Variants in FBXO4 observed in about 807,000 individuals in gnomAD.
The protein encoded by FBXO4 is F-box protein 4.
In FBXO4, 36 loss-of-function variants were observed where a neutral mutation model predicts 43.7. That is an observed-to-expected ratio of 0.82 (90% CI 0.63 to 1.09). The LOEUF is 1.09. Ranked by LOEUF, FBXO4 falls within the 50% of genes least tolerant of loss-of-function variation. The probability of loss-of-function intolerance (pLI) is 0.00; values close to 1 mark genes in which losing one functional copy is unlikely to be tolerated. For synonymous variants in FBXO4, 180 were observed against 165.6 expected (o/e 1.09, Z -0.67); for missense variants, 435 against 474.1 (o/e 0.92, Z 0.77).
chr5:42,010,507 CAAA>C, the FBXO4 span, among the ~76,000 whole-genome samples: 6 of 106,388 alleles, frequency 5.6e-5, no homozygotes, highest in Admixed American at 9.3e-5. Flanking sequence ...GCCTCCATCT[CAAA>C]AAAAAAAAAA....
At chr5:41,976,897 A>T in the FBXO4 span, among the ~76,000 whole-genome samples, 1 of 152,312 alleles carries the variant, frequency 6.6e-6, no homozygotes, top group South Asian at 2.1e-4. Flanking sequence ...CAGGATTCGC[A>T]TCCTGTGAAA....
the FBXO4 span, among the ~76,000 whole-genome samples, chr5:41,994,080 C>T: frequency 5.0e-4 from 76 of 152,236 alleles, no homozygotes; most frequent in African/African-American, 1.7e-3. Flanking sequence ...TGAACCCATA[C>T]GCATCTCCTG....
rs547256557 is a variant in FBXO4 at position 41,930,180 on chromosome 5, G to A, written c.646+263G>A. ...TATTTGTTGTCAAGATGTTGCATTT[G>A]TACAGTGGGATATCATATTTATCAT... On this transcript the variant is annotated intron_variant, in intron 3 of 6. Transcript: ENST00000281623. 2.1e-5 allele frequency: 8 copies of A among 385,514 alleles called. No homozygotes were observed. The East Asian group carries it at 3.7e-4, about 18-fold the overall frequency. 23.9% of individuals were successfully genotyped at this position (385,514 alleles called of 1,614,324 possible).
chr5:41,999,389 G>GAT, the FBXO4 span, among the ~76,000 whole-genome samples: 25 of 142,578 alleles, frequency 1.8e-4, no homozygotes, highest in African/African-American at 5.4e-4. Context: ...ACTAATGGGT[G>GAT]ATATATATAT....
the FBXO4 span, among the ~76,000 whole-genome samples, chr5:42,023,532 T>G: frequency 0.016 from 2,440 of 152,176 alleles, 123 homozygotes; most frequent in East Asian, 0.1. Flanking sequence ...TCCTAAATTG[T>G]TATACAGTTG....
chr5:41,976,487 A>T, the FBXO4 span, among the ~76,000 whole-genome samples: 1 of 152,158 alleles, frequency 6.6e-6, no homozygotes, highest in Admixed American at 6.5e-5. Context: ...AAAAGGGAGA[A>T]ATTGGCCAAA....
At chr5:41,988,948 AC>A in the FBXO4 span, among the ~76,000 whole-genome samples, 1 of 152,210 alleles carries the variant, frequency 6.6e-6, no homozygotes, top group African/African-American at 2.4e-5. Context: ...AAAGCACTTA[AC>A]CACAAATGAC....
At chr5:41,965,381 C>T in the FBXO4 span, among the ~76,000 whole-genome samples, 3 of 152,000 alleles carry the variant, frequency 2.0e-5, no homozygotes, top group South Asian at 6.2e-4. Flanking sequence ...TTTTTTGGTT[C>T]CATATGAACT....
intron 2 of FBXO4, 51 bp from the exon 3 acceptor site, chr5:41,929,646 A>G: frequency 7.4e-7 from 1 of 1,346,180 alleles, no homozygotes; most frequent in African/African-American, 1.5e-5. Flanking sequence ...TTTTGAATGA[A>G]TAACTGGCTG....
chr5:41,932,279 C>CGT (rs541431339), intron 3 of FBXO4, among the ~76,000 whole-genome samples: 273 of 152,174 alleles, frequency 1.8e-3, no homozygotes, highest in Non-Finnish European at 2.7e-3. Context: ...TGAAGTTAGA[C>CGT]GTGTTGAGAG....
chr5:42,010,850 G>A, the FBXO4 span, among the ~76,000 whole-genome samples: 1 of 151,952 alleles, frequency 6.6e-6, no homozygotes, highest in African/African-American at 2.4e-5. Flanking sequence ...CCTGGCTCAA[G>A]ATTTGTTATT....
chr5:42,038,099 C>T, the FBXO4 span, among the ~76,000 whole-genome samples: 1 of 152,090 alleles, frequency 6.6e-6, no homozygotes, highest in African/African-American at 2.4e-5. Flanking sequence ...GTGTTGTGAC[C>T]TTTCCAGGAG....
the FBXO4 span, among the ~76,000 whole-genome samples, chr5:41,953,983 G>C: frequency 6.6e-6 from 1 of 152,252 alleles, no homozygotes; most frequent in East Asian, 1.9e-4. Flanking sequence ...CTGGATTCAA[G>C]GTTATTAAAT....
chr5:42,011,667 T>C, the FBXO4 span, among the ~76,000 whole-genome samples: 1 of 152,208 alleles, frequency 6.6e-6, no homozygotes, highest in African/African-American at 2.4e-5. Context: ...ATATTATTCA[T>C]AGGTTTAGGA....
chr5:41,936,317 G>C (rs1349357585), intron 5 of FBXO4, among the ~76,000 whole-genome samples: 1 of 152,130 alleles, frequency 6.6e-6, no homozygotes, highest in Non-Finnish European at 1.5e-5. Context: ...CAGATTGCTT[G>C]AGCCCAGGAG....
the FBXO4 span, among the ~76,000 whole-genome samples, chr5:42,038,945 T>C: frequency 6.6e-6 from 1 of 152,134 alleles, no homozygotes; most frequent in Non-Finnish European, 1.5e-5. Context: ...CTTTGTTTAC[T>C]TCAGCTATAC....
At chr5:41,980,676 C>A in the FBXO4 span, among the ~76,000 whole-genome samples, 1 of 151,796 alleles carries the variant, frequency 6.6e-6, no homozygotes, top group Non-Finnish European at 1.5e-5. Flanking sequence ...ATGTATGCAT[C>A]CCTTTCTTTG....
intron 2 of FBXO4, among the ~76,000 whole-genome samples, chr5:41,928,995 G>A (rs2112569714): frequency 6.6e-6 from 1 of 152,326 alleles, no homozygotes. Flanking sequence ...AGGATCATTT[G>A]AGCCTCCCTC....
intron 5 of FBXO4, among the ~76,000 whole-genome samples, chr5:41,937,931 A>T (rs1389241330): frequency 3.3e-5 from 5 of 152,268 alleles, no homozygotes; most frequent in Non-Finnish European, 5.9e-5. Context: ...ACACTCTTGC[A>T]TTGGGGTTTA....
Sources: allele counts gnomAD v4.1 joint callset (sites outside exome capture counted in the v4.1 genomes callset), GRCh38; gene constraint gnomAD v4.1.1; transcripts MANE v1.5; gene names NCBI Gene and HGNC (gene_info 2026-07-23, HGNC 2026-07-21).